Variants in PBRM1 observed in about 807,000 individuals in gnomAD.
The protein encoded by PBRM1 is polybromo 1.
Under a neutral mutation model 194.5 loss-of-function variants are expected in PBRM1, and 27 were observed. The ratio of observed to expected loss-of-function variants is 0.14; its 90% CI spans 0.10 to 0.19. The LOEUF is 0.19. Among genes scored for constraint, PBRM1 ranks in the 10% least tolerant of loss-of-function variants. PBRM1 has a pLI of 1.00. For synonymous variants in PBRM1, 655 were observed against 693.2 expected, an observed-to-expected ratio of 0.94 and a Z score of 0.87; for missense variants, 1,466 against 2,077.2, an observed-to-expected ratio of 0.71 and a Z score of 5.72.
At chr3:52,619,556 C>T (rs978032897) in intron 13 of PBRM1, among the ~76,000 whole-genome samples, 1 of 152,094 alleles carries the variant, frequency 6.6e-6, no homozygotes, top group Non-Finnish European at 1.5e-5. Flanking sequence ...GCCATGGATA[C>T]AGAGGGCCAA....
In PBRM1 at chr3:52,564,240, G is replaced by A; in HGVS notation, c.3692-7C>T. On this transcript the variant is annotated splice_region_variant and splice_polypyrimidine_tract_variant and intron_variant, in intron 22 of 29. Transcript: ENST00000296302. ...GACAACACAGCACACTTTCCTGAAAGAGAAAATTAGAAAGAAATTAAAGGA... is the reference window on the plus strand; with the variant it reads ...GACAACACAGCACACTTTCCTGAAAAAGAAAATTAGAAAGAAATTAAAGGA... 1 of 1,603,858 alleles carries A rather than the reference G, an allele frequency of 6.2e-7. No homozygotes were observed. Among genetic ancestry groups the A allele is most frequent in the Admixed American group, 1.7e-5 (1 of 59,358 alleles).
chr3:52,662,318 G>A (rs2153931470), intron 3 of PBRM1, 42 bp from the exon 5 acceptor site: 1 of 1,527,134 alleles, frequency 6.5e-7, no homozygotes, highest in Non-Finnish European at 8.8e-7. Flanking sequence ...CTTTAGTAAT[G>A]TATTGGAAAT....
chr3:52,659,064 G>A (rs754306621), intron 4 of PBRM1, among the ~76,000 whole-genome samples: 4 of 152,110 alleles, frequency 2.6e-5, no homozygotes, highest in Non-Finnish European at 5.9e-5. Context: ...TTTTAACCAC[G>A]GGGTGCTCTA....
At chr3:52,641,446 C>CAAAAAAAAAAAAAAAAGA (rs2096075144) in intron 10 of PBRM1, among the ~76,000 whole-genome samples, 1 of 69,956 alleles carries the variant, frequency 1.4e-5, no homozygotes, top group Non-Finnish European at 2.6e-5. Context: ...GACTCCATCT[C>CAAAAAAAAAAAAAAAAGA]AAAAAAAAAA....
chr3:52,646,896 A>G (rs1395668849), intron 7 of PBRM1, among the ~76,000 whole-genome samples: 1 of 152,186 alleles, frequency 6.6e-6, no homozygotes, highest in Non-Finnish European at 1.5e-5. Context: ...CAACCAAAGA[A>G]AAAAATAGAT....
chr3:52,617,340 A>G, exon 14 of PBRM1: 2 of 1,613,906 alleles, frequency 1.2e-6, no homozygotes, highest in Middle Eastern at 1.7e-4. Flanking sequence ...CTTCACCAGC[A>G]TATTTGTCAT....
chr3:52,644,821 G>A (rs1436785763), intron 7 of PBRM1, 32 bp from the exon 9 acceptor site: 1 of 1,089,504 alleles, frequency 9.2e-7, no homozygotes, highest in African/African-American at 1.6e-5. Flanking sequence ...GTTTAAAAAA[G>A]GAACAGATAA....
chr3:52,639,637 G>A (rs1015630571), intron 10 of PBRM1, among the ~76,000 whole-genome samples: 15 of 152,242 alleles, frequency 9.9e-5, no homozygotes, highest in African/African-American at 3.4e-4. Flanking sequence ...GGAGGCTGAG[G>A]TGGGAGGACT....
chr3:52,669,106 C>A (rs2096898628), intron 2 of PBRM1, among the ~76,000 whole-genome samples: 1 of 152,110 alleles, frequency 6.6e-6, no homozygotes, highest in African/African-American at 2.4e-5. Flanking sequence ...CAAGTACTAT[C>A]AAATGCCTAT....
Position 52,617,336 on chromosome 3 carries a change from C to T in PBRM1, c.1744G>A (p.Gly582Ser), listed in dbSNP as rs1342068320. The T allele has an allele frequency of 2.5e-6, 4 of 1,613,926 alleles. No homozygotes were observed. The East Asian group carries it at 8.9e-5, about 36-fold the overall frequency. ...ATGTCTTCTATCATTCCCTCTTCAC[C>T]AGCATATTTGTCATTGCGGATGTTA... Residue 582 changes from glycine (G) to serine (S), a missense_variant, in exon 14 of 30, where the codon GGT becomes AGT. By Grantham distance (56) the Gly-to-Ser change is moderately conservative (BLOSUM62 0). This residue lies in a region of PBRM1 where 53 missense variants were observed against 144.0 expected (regional missense o/e 0.37). Transcript: ENST00000296302.
chr3:52,555,194 T>G (rs1436353689), intron 26 of PBRM1, among the ~76,000 whole-genome samples: 1 of 152,198 alleles, frequency 6.6e-6, no homozygotes, highest in Non-Finnish European at 1.5e-5. Context: ...AAGGAAATAA[T>G]TATTGCAAGC....
chr3:52,671,099 C>G (rs2096938295), intron 2 of PBRM1, among the ~76,000 whole-genome samples: 1 of 152,134 alleles, frequency 6.6e-6, no homozygotes, highest in South Asian at 2.1e-4. Flanking sequence ...ATACTTGTAC[C>G]TTGACAACTT....
exon 17 of PBRM1, chr3:52,603,539 G>T (rs1269171454): frequency 6.3e-7 from 1 of 1,594,114 alleles, no homozygotes; most frequent in Non-Finnish European, 8.6e-7. Flanking sequence ...TCTTCTTCTC[G>T]TTTTAGTTTA....
chr3:52,680,869 T>A (rs180710361), upstream of PBRM1, among the ~76,000 whole-genome samples: 184 of 151,876 alleles, frequency 1.2e-3, 4 homozygotes, highest in African/African-American at 4.3e-3. Context: ...CCATGTTGGC[T>A]AGGATGGTCC....
chr3:52,557,924 A>T (rs777025216), intron 26 of PBRM1, among the ~76,000 whole-genome samples: 6 of 152,176 alleles, frequency 3.9e-5, no homozygotes, highest in African/African-American at 7.2e-5. Context: ...GTCCCTCTAG[A>T]ACAGAATTCA....
At position 52,676,127 on chromosome 3, in the gene PBRM1, A is replaced by T. The variant is rs1274318176; in HGVS notation, c.236+2373T>A. 1.3e-4 allele frequency among the ~76,000 whole-genome samples: 4 copies of T among 31,320 alleles called. 1 individual carries two copies. Among genetic ancestry groups the T allele is most frequent in the Non-Finnish European group, 2.5e-4 (4 of 15,956 alleles). 20.5% of individuals were successfully genotyped at this position (31,320 alleles called of 152,430 possible). On this transcript the variant is annotated intron_variant, in intron 2 of 29. Coordinates refer to ENST00000296302, the Ensembl canonical transcript of PBRM1. ...GAGACTCCGTCTCAAAAAAAAAAAA[A>T]AAAAAAAAAAAAAAAAAAAAAAAAA...
chr3:52,647,450 AAAAAAAAATATATATATATATAT>A (rs1357807244), intron 7 of PBRM1, among the ~76,000 whole-genome samples: 4 of 77,982 alleles, frequency 5.1e-5, no homozygotes, highest in South Asian at 3.4e-4. Flanking sequence ...AAAAAAAAAA[AAAAAAAAATATATATATATATAT>A]ATATATATAT....
At chr3:52,662,179 T>C (rs1426978823) in exon 4 of PBRM1, 4 of 1,614,130 alleles carry the variant, frequency 2.5e-6, no homozygotes, top group South Asian at 1.1e-5. Context: ...TTCATCATCA[T>C]CTTCGTCATC....
At chr3:52,672,572 G>A (rs1476347709) in intron 2 of PBRM1, among the ~76,000 whole-genome samples, 6 of 140,774 alleles carry the variant, frequency 4.3e-5, no homozygotes, top group Non-Finnish European at 9.0e-5. Context: ...TCCGCACACT[G>A]CAACCTCTGC....
Sources: allele counts gnomAD v4.1 joint callset (sites outside exome capture counted in the v4.1 genomes callset), GRCh38; gene constraint gnomAD v4.1.1; regional missense constraint gnomAD v4.1.1; transcripts MANE v1.5; gene names NCBI Gene and HGNC (gene_info 2026-07-23, HGNC 2026-07-21).